The following COBL variants were observed in gnomAD, a reference collection of about 807,000 sequenced individuals.
COBL encodes the protein cordon-bleu WH2 repeat protein, also known as protein cordon-bleu.
COBL carries 51 observed loss-of-function variants against 98.8 expected under a neutral mutation model. That is an observed-to-expected ratio of 0.52 (90% CI 0.41 to 0.65). The LOEUF (loss-of-function observed/expected upper bound fraction) is 0.65. Among genes scored for constraint, COBL ranks in the 30% least tolerant of loss-of-function variants. COBL has a pLI of 0.00. For missense variants in COBL, 1,617 were observed against 1,617.5 expected, an observed-to-expected ratio of 1.00 and a Z score of 0.01; for synonymous variants, 634 against 651.7, an observed-to-expected ratio of 0.97 and a Z score of 0.41.
Position 51,016,983 on chromosome 7 carries a change from G to C in COBL, c.*568C>G, listed in dbSNP as rs968487432. The C allele has an allele frequency of 5.0e-6, 2 of 403,884 alleles. No individual in the cohort carries two copies. The highest frequency in any genetic ancestry group is 8.7e-6 in the Non-Finnish European group (2 of 229,598). The allele number at this position is 403,884 out of a possible 1,614,324, so 25.0% of individuals were successfully genotyped here. A position where few individuals can be genotyped will look rare whatever the true frequency, so the allele number is the denominator to read the frequency against. On this transcript the variant is annotated 3_prime_UTR_variant, in exon 13 of 13. Coordinates refer to ENST00000265136, the MANE Select transcript of COBL (RefSeq NM_015198.5). ...TGTGAAGTGTTAGCCCCAAATATTT[G>C]AGGAAGAAGAATCCAGCAGTTTTAC...
chr7:51,068,278 T>C (rs1412268857), intron 7 of COBL, among the ~76,000 whole-genome samples: 1 of 152,192 alleles, frequency 6.6e-6, no homozygotes, highest in Non-Finnish European at 1.5e-5. Context: ...CATCCCCACA[T>C]TTTCACTTCA....
intron 2 of COBL, among the ~76,000 whole-genome samples, chr7:51,210,816 C>T (rs757906449): frequency 1.3e-5 from 2 of 152,224 alleles, no homozygotes; most frequent in African/African-American, 2.4e-5. Context: ...CTTTGCACCA[C>T]GCCCTTTAAG....
chr7:51,039,987 C>T (rs1245788561), intron 8 of COBL, among the ~76,000 whole-genome samples: 1 of 152,212 alleles, frequency 6.6e-6, no homozygotes, highest in African/African-American at 2.4e-5. Flanking sequence ...TGCCTGTGAT[C>T]TCTCACCAGC....
intron 6 of COBL, among the ~76,000 whole-genome samples, chr7:51,117,767 T>G (rs1435399939): frequency 6.6e-6 from 1 of 152,156 alleles, no homozygotes; most frequent in Non-Finnish European, 1.5e-5. Context: ...TGTTAAATAA[T>G]TTTGGCCTGC....
chr7:51,259,416 G>A (rs1216196987), intron 1 of COBL: 1 of 457,424 alleles, frequency 2.2e-6, no homozygotes, highest in Admixed American at 3.3e-5. Flanking sequence ...TTTCAGCCCT[G>A]CCTCACCTGG....
At chr7:51,062,291 CTT>C (rs912822599) in intron 7 of COBL, among the ~76,000 whole-genome samples, 53 of 151,954 alleles carry the variant, frequency 3.5e-4, no homozygotes, top group Non-Finnish European at 6.8e-4. Flanking sequence ...CTCTCTCTCT[CTT>C]TAATTTGCGT....
chr7:51,281,350 G>A (rs1799805470), intron 1 of COBL, among the ~76,000 whole-genome samples: 1 of 151,932 alleles, frequency 6.6e-6, no homozygotes, highest in South Asian at 2.1e-4. Flanking sequence ...TAGAAAGAAA[G>A]GAAAAATAAT....
chr7:51,187,329 T>TACACACACACACAC (rs1408641065), intron 4 of COBL, among the ~76,000 whole-genome samples: 1 of 142,404 alleles, frequency 7.0e-6, no homozygotes, highest in African/African-American at 2.7e-5. Context: ...TATATATATA[T>TACACACACACACAC]ATACACACAC....
intron 6 of COBL, among the ~76,000 whole-genome samples, chr7:51,129,465 G>A (rs1361868017): frequency 6.6e-6 from 1 of 151,932 alleles, no homozygotes; most frequent in Non-Finnish European, 1.5e-5. Context: ...CCAACATTTA[G>A]AGCACAGCAG....
At chr7:51,236,463 T>C (rs1795270191) in intron 1 of COBL, among the ~76,000 whole-genome samples, 1 of 152,184 alleles carries the variant, frequency 6.6e-6, no homozygotes, top group Admixed American at 6.5e-5. Context: ...CATTCACTCC[T>C]GGTGAAGGAG....
At chr7:51,043,745 C>T in intron 7 of COBL, 53 bp from the exon 8 acceptor site, 2 of 1,499,522 alleles carry the variant, frequency 1.3e-6, no homozygotes, top group South Asian at 1.2e-5. Context: ...GGCGTCCATA[C>T]TGCCTAACAA....
At chr7:51,111,785 G>A (rs923610961) in intron 6 of COBL, among the ~76,000 whole-genome samples, 4 of 152,234 alleles carry the variant, frequency 2.6e-5, no homozygotes, top group Non-Finnish European at 4.4e-5. Context: ...TCAGCACTGT[G>A]CAGTGCCAGC....
chr7:51,042,387 T>G (rs1789284417), intron 8 of COBL, among the ~76,000 whole-genome samples: 1 of 152,064 alleles, frequency 6.6e-6, no homozygotes, highest in Non-Finnish European at 1.5e-5. Context: ...TGAGACTGAG[T>G]CTTGTTCTAT....
intron 6 of COBL, among the ~76,000 whole-genome samples, chr7:51,096,047 C>T (rs1795245423): frequency 6.6e-6 from 1 of 152,078 alleles, no homozygotes. Context: ...TAACAGATAC[C>T]TATCTCTGTC....
At position 51,148,494 on chromosome 7, in the gene COBL, C is replaced by T. The variant is rs1180507026; in HGVS notation, c.784-12163G>A. On this transcript the variant is annotated intron_variant, in intron 5 of 12. Coordinates refer to ENST00000265136, the MANE Select transcript of COBL (RefSeq NM_015198.5). The stretch of plus-strand genomic sequence containing the variant: ...GCCCTCCATCTTCTCTCTGACACAG[C>T]GGCTTCCAAGGCCTTGGCCCATGGA... Among the ~76,000 whole-genome samples, 13 of 152,234 alleles carry T rather than the reference C, an allele frequency of 8.5e-5. 1 individual carries two copies. The South Asian group carries it at 1.2e-3, about 15-fold the overall frequency.
chr7:51,132,489 G>A (rs1408307446), intron 6 of COBL, among the ~76,000 whole-genome samples: 1 of 152,206 alleles, frequency 6.6e-6, no homozygotes, highest in Admixed American at 6.5e-5. Flanking sequence ...TGCCCACCCA[G>A]GCATCTGTGT....
chr7:51,258,197 G>A (rs17755916), intron 1 of COBL, among the ~76,000 whole-genome samples: 28,122 of 152,066 alleles, frequency 0.18, 3,324 homozygotes, highest in Middle Eastern at 0.32. Context: ...TTCAATGAAT[G>A]GTTAAAACCA....
intron 1 of COBL, among the ~76,000 whole-genome samples, chr7:51,257,137 C>T (rs1284786436): frequency 1.3e-5 from 2 of 152,088 alleles, no homozygotes. Flanking sequence ...TTCAAAGCTC[C>T]CATGTCTCAA....
chr7:51,244,634 C>T (rs1463217513), intron 1 of COBL, among the ~76,000 whole-genome samples: 1 of 152,176 alleles, frequency 6.6e-6, no homozygotes, highest in East Asian at 1.9e-4. Context: ...GTTCCAATCC[C>T]TAAGTGCCTC....
Sources: allele counts gnomAD v4.1 joint callset (sites outside exome capture counted in the v4.1 genomes callset), GRCh38; gene constraint gnomAD v4.1.1; transcripts MANE v1.5; gene names NCBI Gene and HGNC (gene_info 2026-07-23, HGNC 2026-07-21).